The following GPC6 variants were observed in gnomAD, a reference collection of about 807,000 sequenced individuals.
GPC6 encodes glypican-6.
In GPC6, 14 loss-of-function variants were observed where a neutral mutation model predicts 55.2. That is an observed-to-expected ratio of 0.25 (90% CI 0.17 to 0.40). The LOEUF (loss-of-function observed/expected upper bound fraction) is 0.40, where lower values mean the gene tolerates loss of function less well. Among genes scored for constraint, GPC6 ranks in the 10% least tolerant of loss-of-function variants. The pLI is 1.00. For missense variants in GPC6, 641 were observed against 708.5 expected, an observed-to-expected ratio of 0.90 and a Z score of 1.08; for synonymous variants, 278 against 259.6, an observed-to-expected ratio of 1.07 and a Z score of -0.68.
chr13:94,103,657 T>C (rs1885947509), intron 4 of GPC6, among the ~76,000 whole-genome samples: 1 of 152,234 alleles, frequency 6.6e-6, no homozygotes, highest in Non-Finnish European at 1.5e-5. Context: ...CATTTTTTCA[T>C]GTGTCTGTTG....
At chr13:93,284,533 CTGTT>C (rs1878049298) in intron 1 of GPC6, among the ~76,000 whole-genome samples, 1 of 152,144 alleles carries the variant, frequency 6.6e-6, no homozygotes, top group Admixed American at 6.5e-5. Context: ...ATAGGAGACA[CTGTT>C]TGATATGAGC....
At chr13:93,647,083 G>A (rs927166610) in intron 2 of GPC6, among the ~76,000 whole-genome samples, 5 of 152,044 alleles carry the variant, frequency 3.3e-5, no homozygotes, top group African/African-American at 1.2e-4. Context: ...TCTTTGACTA[G>A]CCATCTAAAG....
chr13:93,988,011 C>T (rs1881112657), intron 3 of GPC6, among the ~76,000 whole-genome samples: 2 of 152,082 alleles, frequency 1.3e-5, no homozygotes, highest in Admixed American at 1.3e-4. Flanking sequence ...CACATCCCTC[C>T]ATGACTCTCT....
intron 1 of GPC6, among the ~76,000 whole-genome samples, chr13:93,294,408 C>T (rs1362721370): frequency 2.0e-5 from 3 of 151,966 alleles, no homozygotes; most frequent in African/African-American, 4.8e-5. Context: ...ATAATGATTC[C>T]AAATTTCCTA....
chr13:93,504,045 T>A (rs1238735669), intron 1 of GPC6, among the ~76,000 whole-genome samples: 1 of 152,114 alleles, frequency 6.6e-6, no homozygotes, highest in African/African-American at 2.4e-5. Context: ...AAGGAAAAAT[T>A]ACAAAAAGTG....
chr13:93,455,607 G>A (rs1053974531), intron 1 of GPC6, among the ~76,000 whole-genome samples: 9 of 152,192 alleles, frequency 5.9e-5, no homozygotes, highest in Non-Finnish European at 7.4e-5. Context: ...CCAAGATGGA[G>A]GCAAAAAGAT....
chr13:94,046,066 A>C (rs1266359439), intron 4 of GPC6, among the ~76,000 whole-genome samples: 4 of 151,942 alleles, frequency 2.6e-5, no homozygotes, highest in African/African-American at 9.7e-5. Flanking sequence ...CCCAGAGACT[A>C]TACTCCCCAG....
Sources: allele counts gnomAD v4.1 joint callset (sites outside exome capture counted in the v4.1 genomes callset), GRCh38; gene constraint gnomAD v4.1.1; transcripts MANE v1.5; gene names NCBI Gene and HGNC (gene_info 2026-07-23, HGNC 2026-07-21).